EDIL3: variants seen among roughly 807,000 people sequenced by gnomAD.
EDIL3 encodes the protein EGF like and discoidin domains 3.
Under a neutral mutation model 67.4 loss-of-function variants are expected in EDIL3, and 37 were observed. The ratio of observed to expected loss-of-function variants is 0.55; its 90% CI spans 0.42 to 0.72. The LOEUF (loss-of-function observed/expected upper bound fraction) is 0.72, where lower values mean the gene tolerates loss of function less well. EDIL3 is among the 30% of genes least tolerant of loss of function. EDIL3 has a pLI of 0.00. For missense variants in EDIL3, 527 were observed against 586.3 expected, an observed-to-expected ratio of 0.90 and a Z score of 1.04; for synonymous variants, 195 against 196.3, an observed-to-expected ratio of 0.99 and a Z score of 0.05.
At chr5:84,000,546 T>A (rs1366079069) in intron 9 of EDIL3, among the ~76,000 whole-genome samples, 3 of 150,754 alleles carry the variant, frequency 2.0e-5, no homozygotes, top group African/African-American at 7.3e-5. Context: ...TGCTTGGTAA[T>A]CTCAAATCAA....
At chr5:84,371,137 A>G (rs1452851603) in intron 1 of EDIL3, among the ~76,000 whole-genome samples, 1 of 151,370 alleles carries the variant, frequency 6.6e-6, no homozygotes, top group Non-Finnish European at 1.5e-5. Flanking sequence ...TATATTTAAT[A>G]ATGGTACAGT....
chr5:84,196,968 T>C (rs1248652175), intron 3 of EDIL3: 2 of 152,050 alleles, frequency 1.3e-5, no homozygotes, highest in Non-Finnish European at 2.9e-5. Context: ...TAAGGAATTA[T>C]GTCAACTGGG....
intron 3 of EDIL3, among the ~76,000 whole-genome samples, chr5:84,216,493 C>G (rs1213829972): frequency 6.7e-6 from 1 of 149,958 alleles, no homozygotes; most frequent in Non-Finnish European, 1.5e-5. Flanking sequence ...GCTGAGTTTG[C>G]TGCTGTAAGA....
At chr5:84,335,037 T>TAAAAAAA (rs1464504284) in intron 1 of EDIL3, among the ~76,000 whole-genome samples, 2 of 152,182 alleles carry the variant, frequency 1.3e-5, no homozygotes, top group African/African-American at 2.4e-5. Context: ...CTAACATATT[T>TAAAAAAA]CACTAAACGC....
intron 6 of EDIL3, among the ~76,000 whole-genome samples, chr5:84,106,352 A>G (rs1747460179): frequency 6.6e-6 from 1 of 152,122 alleles, no homozygotes; most frequent in Non-Finnish European, 1.5e-5. Flanking sequence ...ACGTTATCAC[A>G]GTGGTAATGA....
intron 1 of EDIL3, among the ~76,000 whole-genome samples, chr5:84,309,178 T>C (rs112132692): frequency 7.2e-5 from 11 of 152,186 alleles, no homozygotes; most frequent in African/African-American, 2.7e-4. Flanking sequence ...TTTCCCCATT[T>C]ATCCTCTCTT....
At chr5:84,236,428 C>T (rs1319790740) in intron 2 of EDIL3, among the ~76,000 whole-genome samples, 2 of 151,958 alleles carry the variant, frequency 1.3e-5, no homozygotes, top group African/African-American at 4.8e-5. Flanking sequence ...TTCAATTGTC[C>T]TTAAATATCC....
chr5:83,967,273 A>G (rs1744706058), intron 9 of EDIL3, among the ~76,000 whole-genome samples: 1 of 152,116 alleles, frequency 6.6e-6, no homozygotes, highest in Admixed American at 6.6e-5. Flanking sequence ...GCAAGCTGAG[A>G]CTGTGCCACT....
intron 1 of EDIL3, among the ~76,000 whole-genome samples, chr5:84,323,923 A>G (rs190652352): frequency 6.6e-4 from 101 of 152,050 alleles, no homozygotes; most frequent in African/African-American, 2.3e-3. Flanking sequence ...AAAGCAAAAA[A>G]TGACAGATTT....
intron 1 of EDIL3, among the ~76,000 whole-genome samples, chr5:84,371,413 A>ATATGTATG (rs1747849065): frequency 7.2e-6 from 1 of 138,030 alleles, no homozygotes; most frequent in Non-Finnish European, 1.5e-5. Context: ...ATGTGTGTAT[A>ATATGTATG]TGTGTATATA....
intron 4 of EDIL3, among the ~76,000 whole-genome samples, chr5:84,141,499 T>C (rs1748187900): frequency 6.8e-6 from 1 of 147,116 alleles, no homozygotes; most frequent in African/African-American, 2.5e-5. Flanking sequence ...TTATATATAT[T>C]ATATATAATA....
chr5:84,230,124 TTAAAA>T (rs1220224512), intron 2 of EDIL3, among the ~76,000 whole-genome samples: 2 of 152,204 alleles, frequency 1.3e-5, no homozygotes, highest in African/African-American at 2.4e-5. Context: ...CTCCTATACT[TTAAAA>T]TATCTATTAA....
At chr5:84,302,948 A>C (rs894182503) in intron 1 of EDIL3, among the ~76,000 whole-genome samples, 2 of 148,824 alleles carry the variant, frequency 1.3e-5, no homozygotes, top group Admixed American at 1.3e-4. Flanking sequence ...TTAGTTCAGA[A>C]GTTCCTAATT....
chr5:84,226,033 T>C (rs1482190024), intron 3 of EDIL3, among the ~76,000 whole-genome samples: 1 of 151,656 alleles, frequency 6.6e-6, no homozygotes, highest in African/African-American at 2.4e-5. Context: ...GAAAAATAAA[T>C]ATTTAATTTA....
chr5:84,306,130 T>G (rs972614003), intron 1 of EDIL3, among the ~76,000 whole-genome samples: 5 of 152,152 alleles, frequency 3.3e-5, no homozygotes, highest in African/African-American at 1.2e-4. Flanking sequence ...GAAATTAACC[T>G]AGGAATAGTC....
chr5:84,046,735 T>G (rs1487881171), intron 9 of EDIL3, among the ~76,000 whole-genome samples: 1 of 152,254 alleles, frequency 6.6e-6, no homozygotes, highest in Non-Finnish European at 1.5e-5. Context: ...CAGCTATGCT[T>G]TGTTGCTACA....
In EDIL3 at chr5:84,254,124, ATCTGGACAC is replaced by A. The variant is rs1561236231; in HGVS notation, c.147_155del (p.Glu49_Pro51del). 3.7e-6 allele frequency: 6 copies of A among 1,613,168 alleles called. No homozygotes were observed. Among genetic ancestry groups the A allele is most frequent in the Non-Finnish European group, 5.1e-6 (6 of 1,179,490 alleles). On this transcript the variant is annotated inframe_deletion, in exon 2 of 11. Transcript: ENST00000296591. ...TAGAACAGTTGGGGTCTGTGAAGCC[ATCTGGACAC>A]TCACAGGAAAAGGAACCATCAGCCA...
intron 1 of EDIL3, among the ~76,000 whole-genome samples, chr5:84,266,574 C>A (rs1745352943): frequency 6.6e-6 from 1 of 152,108 alleles, no homozygotes; most frequent in Non-Finnish European, 1.5e-5. Context: ...ATCCCAGGTC[C>A]CATGTAGCTC....
intron 2 of EDIL3, among the ~76,000 whole-genome samples, chr5:84,234,827 G>C (rs1483014793): frequency 6.6e-6 from 1 of 152,020 alleles, no homozygotes; most frequent in Admixed American, 6.6e-5. Context: ...CTAGTCATTA[G>C]TTATTTCCAT....
Sources: gnomAD v4.1 joint callset for allele counts (sites outside exome capture counted in the v4.1 genomes callset) on GRCh38, gnomAD v4.1.1 for gene constraint, MANE v1.5 for transcripts, NCBI Gene and HGNC (gene_info 2026-07-23, HGNC 2026-07-21) for gene names.